The following SEMA5B variants were observed in gnomAD, a reference collection of about 807,000 sequenced individuals.
SEMA5B encodes semaphorin 5B.
In SEMA5B, 66 loss-of-function variants were observed where a neutral mutation model predicts 135.0. The ratio of observed to expected loss-of-function variants is 0.49; its 90% CI spans 0.40 to 0.60. The LOEUF (loss-of-function observed/expected upper bound fraction) is 0.60, where lower values mean the gene tolerates loss of function less well. SEMA5B is among the 20% of genes least tolerant of loss of function. The pLI, the probability that SEMA5B is intolerant of heterozygous loss-of-function variation, is 0.00. For synonymous variants in SEMA5B, 690 were observed against 639.5 expected (o/e 1.08, Z -1.19); for missense variants, 1,501 against 1,566.3 (o/e 0.96, Z 0.70).
At chr3:122,957,935 G>A (rs979652901) in intron 2 of SEMA5B, among the ~76,000 whole-genome samples, 1 of 152,238 alleles carries the variant, frequency 6.6e-6, no homozygotes, top group African/African-American at 2.4e-5. Context: ...TTCTGAGTTG[G>A]CTTCCTTACT....
At chr3:122,944,938 C>T (rs1407343164) in intron 3 of SEMA5B, among the ~76,000 whole-genome samples, 3 of 152,114 alleles carry the variant, frequency 2.0e-5, no homozygotes, top group African/African-American at 7.2e-5. Context: ...ACTGTGCTTT[C>T]TCCCCACAGT....
rs143659570 is a variant in SEMA5B, at chr3:122,910,893, A to G, written c.3244T>C (p.Tyr1082His). The change falls in exon 22 of 23, where the codon TAC becomes CAC. Residue 1082 changes from tyrosine to histidine, a missense_variant. By Grantham distance (83) the Tyr-to-His change is moderately conservative. This residue lies in a region of SEMA5B where 927 missense variants were observed against 881.6 expected (regional missense o/e 1.05). Transcript: ENST00000357599. ...TTCTTCGGGGTGCCTCCGCCCTTGT[A>G]GTGCAAATGGTTGGGGGTGGCAGGA... ...VHPATPNHLH[Y>H]KGGGTPKNEK... 6.2e-7 allele frequency: 1 copy of G among 1,612,588 alleles called. No homozygotes were observed. The highest frequency in any genetic ancestry group is 8.5e-7 in the Non-Finnish European group (1 of 1,179,792).
At chr3:123,023,221 T>A (rs918974342) in intron 1 of SEMA5B, among the ~76,000 whole-genome samples, 3 of 152,184 alleles carry the variant, frequency 2.0e-5, no homozygotes, top group African/African-American at 7.2e-5. Flanking sequence ...CCAAGTTAGT[T>A]AAGTGTTGTC....
chr3:122,933,021 CA>C, intron 5 of SEMA5B, among the ~76,000 whole-genome samples: 1 of 152,158 alleles, frequency 6.6e-6, no homozygotes, highest in South Asian at 2.1e-4. Context: ...TGCCTGGGCT[CA>C]ATATGATTTT....
At position 122,912,911 on chromosome 3, in the gene SEMA5B, C is replaced by G. The variant is rs746855310; in HGVS notation, c.2657G>C (p.Arg886Pro). 6.2e-7 allele frequency: 1 copy of G among 1,611,486 alleles called. No homozygotes were observed. The highest frequency in any genetic ancestry group is 8.5e-7 in the Non-Finnish European group (1 of 1,178,996). ...RKRTCTNPEP[R>P]NGGLPCVGDA... ...GCCCACGCAGGGCAGGCCCCCGTTGCGGGGCTCCGGGTTAGTGCACGTTCT... is the reference window on the plus strand; with the variant it reads ...GCCCACGCAGGGCAGGCCCCCGTTGGGGGGCTCCGGGTTAGTGCACGTTCT... Residue 886 changes from arginine to proline, a missense_variant, in exon 18 of 23, where the codon CGC (arginine) becomes CCC (proline). By Grantham distance (103) the Arg-to-Pro change is moderately radical. Around this residue, in one of 2 missense-constraint regions of SEMA5B, gnomAD observed 927 missense variants for 881.6 expected, o/e 1.05. Transcript: ENST00000357599.
At position 122,922,008 on chromosome 3, in the gene SEMA5B, C is replaced by A. The variant is rs1034675561; in HGVS notation, c.1595G>T (p.Arg532Leu). The change falls in exon 12 of 23, where the codon CGC becomes CTC. Residue 532 changes from arginine (R) to leucine (L), a missense_variant. Coordinates refer to ENST00000357599, the MANE Select transcript of SEMA5B (RefSeq NM_001031702.4). ...GAGCGCGCGGGCGCTGTGCAGGATGCGCAGGCTGCGCAGGGGCTCGCGGCG... is the reference window on the plus strand; with the variant it reads ...GAGCGCGCGGGCGCTGTGCAGGATGAGCAGGCTGCGCAGGGGCTCGCGGCG... ...PGRREPLRSL[R>L]ILHSARALFV... 4 of 1,522,632 alleles carry A rather than the reference C, an allele frequency of 2.6e-6. No individual in the cohort carries two copies. The Admixed American group carries it at 8.5e-5, about 32-fold the overall frequency. The allele number at this position is 1,522,632 out of a possible 1,614,324, so 94.3% of individuals were successfully genotyped here.
intron 1 of SEMA5B, among the ~76,000 whole-genome samples, chr3:123,018,689 C>G (rs1314426984): frequency 1.3e-5 from 2 of 152,180 alleles, no homozygotes; most frequent in African/African-American, 4.8e-5. Flanking sequence ...GGACCTCAAC[C>G]AAATCAGGTC....
At chr3:122,912,756 G>A (rs2107609096) in intron 18 of SEMA5B, 87 bp downstream of exon 18, 1 of 1,295,088 alleles carries the variant, frequency 7.7e-7, no homozygotes, top group South Asian at 1.5e-5. Context: ...TGGGCATTGG[G>A]GTTCCTGGGT....
chr3:122,976,202 C>T, intron 1 of SEMA5B: 1 of 1,493,684 alleles, frequency 6.7e-7, no homozygotes, highest in Non-Finnish European at 8.9e-7. Flanking sequence ...AAATGTGCTC[C>T]TAGGACCAGC....
chr3:123,011,892 C>T (rs1448908830), intron 1 of SEMA5B, among the ~76,000 whole-genome samples: 2 of 152,184 alleles, frequency 1.3e-5, no homozygotes, highest in African/African-American at 2.4e-5. Context: ...AGCAAGACAG[C>T]GCTTCTGAAC....
In SEMA5B at chr3:122,977,069, C is replaced by A. The variant is rs139624286; in HGVS notation, c.-38-15768G>T. Among the ~76,000 whole-genome samples, 231 of 152,274 alleles carry A rather than the reference C, an allele frequency of 1.5e-3. 1 individual carries two copies. Among genetic ancestry groups the A allele is most frequent in the African/African-American group, 5.2e-3 (218 of 41,562 alleles). On this transcript the variant is annotated intron_variant, in intron 1 of 22. Coordinates refer to ENST00000357599, the MANE Select transcript of SEMA5B (RefSeq NM_001031702.4). ...TGTCTTGAAAAAGAAAAAAAGCCCT[C>A]CAGATGGTTACACTGTGCAGTCAGG...
chr3:122,921,312 C>T (rs1384881025), intron 12 of SEMA5B, among the ~76,000 whole-genome samples: 1 of 152,210 alleles, frequency 6.6e-6, no homozygotes, highest in Non-Finnish European at 1.5e-5. Flanking sequence ...CCCTTAAACA[C>T]TGATGCCACA....
intron 14 of SEMA5B, among the ~76,000 whole-genome samples, chr3:122,914,546 T>C (rs1241312658): frequency 6.6e-6 from 1 of 152,226 alleles, no homozygotes; most frequent in Non-Finnish European, 1.5e-5. Context: ...TTTAAAGTAC[T>C]CTTAACTTTA....
At chr3:122,915,090 C>T (rs147818086) in intron 14 of SEMA5B, among the ~76,000 whole-genome samples, 153 of 152,258 alleles carry the variant, frequency 1.0e-3, no homozygotes, top group African/African-American at 3.4e-3. Flanking sequence ...AGTGGCAATC[C>T]GGAATTGGCA....
At chr3:122,970,651 C>A (rs1025836796) in intron 1 of SEMA5B, among the ~76,000 whole-genome samples, 12 of 152,192 alleles carry the variant, frequency 7.9e-5, no homozygotes, top group African/African-American at 2.7e-4. Context: ...TATTAAATGG[C>A]AAATATTTCA....
At chr3:123,006,580 G>A (rs959412270) in intron 1 of SEMA5B, among the ~76,000 whole-genome samples, 19 of 152,310 alleles carry the variant, frequency 1.2e-4, no homozygotes, top group African/African-American at 4.6e-4. Flanking sequence ...TAGGAATTGG[G>A]AGATTTGGAA....
chr3:122,912,153 G>A lies in SEMA5B; in HGVS notation c.2896+19C>T. 6.3e-7 allele frequency: 1 copy of A among 1,580,826 alleles called. No homozygotes were observed. The highest frequency in any genetic ancestry group is 1.1e-5 in the South Asian group (1 of 87,174). On this transcript the variant is annotated intron_variant, in intron 19 of 22. Transcript: ENST00000357599. ...GGGCTCCATGTCGCTTCCCAGCCCTGGCGGGATGTGCCTCATACCTGGGCA... is the reference window on the plus strand; with the variant it reads ...GGGCTCCATGTCGCTTCCCAGCCCTAGCGGGATGTGCCTCATACCTGGGCA...
At chr3:122,979,673 A>T (rs1009470120) in intron 1 of SEMA5B, among the ~76,000 whole-genome samples, 2 of 152,118 alleles carry the variant, frequency 1.3e-5, no homozygotes, top group Non-Finnish European at 2.9e-5. Context: ...ATTTCATCTC[A>T]CTTCAGAAAG....
Position 122,958,880 on chromosome 3 carries a change from C to T in SEMA5B, c.124+2260G>A, listed in dbSNP as rs1164046628. On this transcript the variant is annotated intron_variant, in intron 2 of 22. Coordinates refer to ENST00000357599, the MANE Select transcript of SEMA5B (RefSeq NM_001031702.4). ...TGAGTTCTTCTCTCTTCCATATATT[C>T]CTAGAAACCTCCAAGTCACGCATGT... Among the ~76,000 whole-genome samples, 3 of 152,138 alleles carry T rather than the reference C, an allele frequency of 2.0e-5. No homozygotes were observed. In the East Asian group the frequency reaches 5.8e-4, roughly 29 times the overall value.
Sources: gnomAD v4.1 joint callset for allele counts (sites outside exome capture counted in the v4.1 genomes callset) on GRCh38, gnomAD v4.1.1 for gene constraint, gnomAD v4.1.1 regional missense constraint, MANE v1.5 for transcripts, NCBI Gene and HGNC (gene_info 2026-07-23, HGNC 2026-07-21) for gene names.